The following POLR3E variants were observed in gnomAD, a reference collection of about 807,000 sequenced individuals.
POLR3E encodes the protein DNA-directed RNA polymerase III subunit RPC5.
Under a neutral mutation model 96.6 loss-of-function variants are expected in POLR3E, and 41 were observed. The observed-to-expected ratio is 0.42, with a 90% confidence interval of 0.33 to 0.55. The LOEUF (loss-of-function observed/expected upper bound fraction) is 0.55. Ranked by LOEUF, POLR3E falls within the 20% of genes least tolerant of loss-of-function variation. The pLI, the probability that POLR3E is intolerant of heterozygous loss-of-function variation, is 0.06. For missense variants in POLR3E, 849 were observed against 952.1 expected (o/e 0.89, Z 1.43); for synonymous variants, 396 against 383.6 (o/e 1.03, Z -0.38).
chr16:22,302,397 A>C (rs753961901), intron 1 of POLR3E: 29 of 157,146 alleles, frequency 1.8e-4, no homozygotes, highest in Non-Finnish European at 3.2e-4. Flanking sequence ...AATACAGGAC[A>C]GAAGAGTGTG....
chr16:22,305,192 C>A lies in POLR3E; in HGVS notation c.73C>A (p.Leu25Met), dbSNP rs2048109744. 1 of 1,612,108 alleles carries A rather than the reference C, an allele frequency of 6.2e-7. No homozygotes were observed. Residue 25 changes from leucine (L) to methionine (M), a missense_variant, in exon 3 of 21, where the codon CTG (leucine) becomes ATG (methionine). Physicochemically the swap from Leu to Met is conservative, Grantham distance 15 (BLOSUM62 2). Coordinates refer to ENST00000299853, the MANE Select transcript of POLR3E (RefSeq NM_018119.4). ...VYLAKSLAEK[L>M]YLFQYPVRPA... ...CTTGGCCAAGAGTCTGGCGGAAAAG[C>A]TGTATCTATTTCAGGTAATTATGGG...
At chr16:22,330,815 C>T (rs1283969479) in intron 19 of POLR3E, among the ~76,000 whole-genome samples, 1 of 148,538 alleles carries the variant, frequency 6.7e-6, no homozygotes, top group Non-Finnish European at 1.5e-5. Context: ...TGAACCATAG[C>T]AAAAAAAAAG....
In POLR3E at chr16:22,325,209, G is replaced by A; in HGVS notation, c.1291G>A (p.Glu431Lys). ...TGGGGTTACTCTTCTTTTCAGACTGGAAAAAGTCTATAATCTTGTAAAGGA... is the reference window on the plus strand; with the variant it reads ...TGGGGTTACTCTTCTTTTCAGACTGAAAAAAGTCTATAATCTTGTAAAGGA... ...MLWTGIQAKL[E>K]KVYNLVKETM... is the part of the protein sequence containing the mutation. The change falls in exon 17 of 21, where the codon GAA becomes AAA. Residue 431 changes from glutamate to lysine, a missense_variant. Glu to Lys is a moderately conservative substitution (Grantham distance 56). Transcript: ENST00000299853. 1.2e-6 allele frequency: 2 copies of A among 1,612,362 alleles called. No individual in the cohort carries two copies. Among genetic ancestry groups the A allele is most frequent in the Non-Finnish European group, 1.7e-6 (2 of 1,178,420 alleles).
Position 22,302,993 on chromosome 16 carries a change from G to A in POLR3E, c.25G>A (p.Val9Ile), listed in dbSNP as rs1257015292. MANEEDDP[V>I]VQEIDVYLAK... ...TATGGCCAATGAAGAGGATGACCCA[G>A]TTGTACAGGAGGTAACTGCTGCTCT... is the stretch of plus-strand genomic sequence containing the variant. The change falls in exon 2 of 21, where the codon GTT becomes ATT. Residue 9 changes from valine (V) to isoleucine (I), a missense_variant. Physicochemically the swap from Val to Ile is conservative, Grantham distance 29. Coordinates refer to ENST00000299853, the MANE Select transcript of POLR3E (RefSeq NM_018119.4). 2.5e-6 allele frequency: 4 copies of A among 1,614,070 alleles called. No individual in the cohort carries two copies. Among genetic ancestry groups the A allele is most frequent in the Non-Finnish European group, 3.4e-6 (4 of 1,179,942 alleles).
chr16:22,329,862 C>G (rs1437239503), intron 19 of POLR3E, among the ~76,000 whole-genome samples: 1 of 151,962 alleles, frequency 6.6e-6, no homozygotes, highest in Non-Finnish European at 1.5e-5. Context: ...CTCCTGGCCT[C>G]AAGCAGTTCT....
intron 6 of POLR3E, among the ~76,000 whole-genome samples, chr16:22,312,103 G>A (rs1282361541): frequency 6.6e-6 from 1 of 152,216 alleles, no homozygotes; most frequent in East Asian, 1.9e-4. Flanking sequence ...AGGGACTAGT[G>A]GGAGAGTGGA....
At chr16:22,299,036 G>C in intron 1 of POLR3E, 1 of 456,074 alleles carries the variant, frequency 2.2e-6, no homozygotes, top group Non-Finnish European at 4.4e-6. Flanking sequence ...AAATAGACCA[G>C]GTAGTTCCAG....
intron 20 of POLR3E, among the ~76,000 whole-genome samples, chr16:22,333,039 A>G (rs1197592511): frequency 1.4e-5 from 2 of 141,916 alleles, no homozygotes; most frequent in East Asian, 2.1e-4. Flanking sequence ...CAGTAGCACA[A>G]TCTCGGCTCA....
intron 18 of POLR3E, chr16:22,326,486 A>G: frequency 3.2e-6 from 2 of 617,688 alleles, no homozygotes; most frequent in Non-Finnish European, 5.9e-6. Context: ...GGACTGTGGT[A>G]GGGGCTAAAT....
chr16:22,309,139 C>A, intron 5 of POLR3E, 99 bp downstream of exon 5: 2 of 815,046 alleles, frequency 2.5e-6, no homozygotes, highest in Admixed American at 2.2e-5. Context: ...CGTCACTGGG[C>A]TCCCCACCAG....
intron 2 of POLR3E, among the ~76,000 whole-genome samples, chr16:22,304,759 A>G (rs2048099542): frequency 6.6e-6 from 1 of 152,204 alleles, no homozygotes; most frequent in Non-Finnish European, 1.5e-5. Context: ...AGGCTGGTCC[A>G]GGAGGGGCAG....
rs2141803753 is a variant in POLR3E at position 22,324,565 on chromosome 16, C to T, written c.1191C>T (p.Gly397=). The change falls in exon 16 of 21, where the codon GGC becomes GGT. Residue 397 remains glycine, a synonymous_variant. Transcript: ENST00000299853. ...EHMAVVRINK[G]WEFILPYDGE... is the part of the protein sequence containing the mutation. Reference sequence around the variant, plus strand: ...TGGCCGTGGTGAGGATCAACAAAGGCTGGGAGTTCATTCTGCCTTATGATG... The same window carrying T: ...TGGCCGTGGTGAGGATCAACAAAGGTTGGGAGTTCATTCTGCCTTATGATG... 1.2e-6 allele frequency: 2 copies of T among 1,613,318 alleles called. No individual in the cohort carries two copies. Among genetic ancestry groups the T allele is most frequent in the Non-Finnish European group, 1.7e-6 (2 of 1,179,738 alleles).
chr16:22,307,328 G>T (rs777211936), intron 3 of POLR3E, among the ~76,000 whole-genome samples: 1 of 152,204 alleles, frequency 6.6e-6, no homozygotes, highest in South Asian at 2.1e-4. Context: ...CGGCTTTGCT[G>T]TGTGAGTGAG....
chr16:22,309,279 G>T, intron 5 of POLR3E, 149 bp from the exon 6 acceptor site: 1 of 733,604 alleles, frequency 1.4e-6, no homozygotes, highest in South Asian at 1.5e-5. Context: ...TCCCCAGGCT[G>T]CCCTCCTGAG....
Position 22,326,234 on chromosome 16 carries a change from C to T in POLR3E, c.1822C>T (p.Gln608Ter). The T allele has an allele frequency of 3.7e-6, 6 of 1,612,548 alleles. No homozygotes were observed. Among genetic ancestry groups the T allele is most frequent in the Non-Finnish European group, 5.1e-6 (6 of 1,179,668 alleles). The change falls in exon 18 of 21, where the codon CAG becomes TAG. Residue 608 changes from glutamine to a stop codon, truncating the protein, a stop_gained. Transcript: ENST00000299853. LOFTEE classifies it high-confidence loss of function. ...LFSGISDRML[Q>*]DTVLAAGCKQ... ...CAGCGGCATCTCGGACCGCATGCTA[C>T]AGGACACGGTGCTGGCCGCCGGTTG...
intron 19 of POLR3E, chr16:22,328,811 C>T: frequency 1.9e-6 from 1 of 514,764 alleles, no homozygotes; most frequent in Non-Finnish European, 3.5e-6. Context: ...GTCTGTGAGC[C>T]AGCTCCATCA....
intron 19 of POLR3E, chr16:22,331,830 C>G: frequency 2.4e-6 from 1 of 423,146 alleles, no homozygotes; most frequent in Non-Finnish European, 4.3e-6. Flanking sequence ...TATTTATATT[C>G]AAGTTTCCAG....
chr16:22,330,988 C>CTTTTTTTTTTTTTTT (rs56100056), intron 19 of POLR3E, among the ~76,000 whole-genome samples: 2 of 50,732 alleles, frequency 3.9e-5, no homozygotes, highest in Non-Finnish European at 7.7e-5. Context: ...ATGAAGCATC[C>CTTTTTTTTTTTTTTT]TTTTTTTTTT....
chr16:22,329,261 C>T (rs1433623140), intron 19 of POLR3E, among the ~76,000 whole-genome samples: 1 of 152,094 alleles, frequency 6.6e-6, no homozygotes, highest in Non-Finnish European at 1.5e-5. Flanking sequence ...AAAAGGATTC[C>T]TTGTCAGATG....
Sources: allele counts gnomAD v4.1 joint callset (sites outside exome capture counted in the v4.1 genomes callset), GRCh38; gene constraint gnomAD v4.1.1; transcripts MANE v1.5; gene names NCBI Gene and HGNC (gene_info 2026-07-23, HGNC 2026-07-21).